The following HSF4 variants were observed in gnomAD, a reference collection of about 807,000 sequenced individuals.
HSF4 encodes heat shock transcription factor 4.
A neutral mutation model predicts 52.0 loss-of-function variants in HSF4; 41 were observed. That is an observed-to-expected ratio of 0.79 (90% CI 0.61 to 1.02). The LOEUF (loss-of-function observed/expected upper bound fraction) is 1.02. HSF4 is among the 50% of genes least tolerant of loss of function. The pLI, the probability that HSF4 is intolerant of heterozygous loss-of-function variation, is 0.00. For missense variants in HSF4, 610 were observed against 651.1 expected (o/e 0.94, Z 0.69); for synonymous variants, 285 against 273.0 (o/e 1.04, Z -0.43).
rs200708134 is a variant in HSF4 at position 67,167,173 on chromosome 16, C to A, written c.680C>A (p.Thr227Asn). 398 of 1,614,092 alleles carry A rather than the reference C, an allele frequency of 2.5e-4. 2 individuals carry two copies. The highest frequency in any genetic ancestry group is 3.3e-4 in the Middle Eastern group (2 of 6,084). Residue 227 changes from threonine to asparagine, a missense_variant, in exon 7 of 13, where the codon ACC becomes AAC. Thr to Asn is a moderately conservative substitution (Grantham distance 65). Coordinates refer to ENST00000521374, the MANE Select transcript of HSF4 (RefSeq NM_001374675.1). ...SSCPTPAKFN[T>N]CPLPGALLQD... ...TGCCCAACACCTGCCAAGTTCAACACCTGCCCTCTACCTGGTGCCCTTCTG... is the reference window on the plus strand; with the variant it reads ...TGCCCAACACCTGCCAAGTTCAACAACTGCCCTCTACCTGGTGCCCTTCTG...
rs35750776 is a variant in HSF4, at chr16:67,169,647, C to G, written c.1341C>G (p.Leu447=). 4.1e-4 allele frequency: 655 copies of G among 1,609,560 alleles called. 4 individuals carry two copies. The African/African-American group carries it at 8.0e-3, about 20-fold the overall frequency. The part of the protein sequence containing the change: ...NSPSPGKDPT[L]GAPLLLDVQA... ...TTCTCCTAGGGAAGGACCCCACGCTCGGGGCCCCACTCCTGCTGGATGTCC... is the reference window on the plus strand; with the variant it reads ...TTCTCCTAGGGAAGGACCCCACGCTGGGGGCCCCACTCCTGCTGGATGTCC... The change falls in exon 13 of 13, where the codon CTC becomes CTG. Residue 447 remains leucine, a synonymous_variant. Coordinates refer to ENST00000521374, the MANE Select transcript of HSF4 (RefSeq NM_001374675.1). This position sits in a 1 kb window ranked among gnomAD's most constrained non-coding sequence, Gnocchi z 4.3.
In HSF4 at chr16:67,167,358, G is replaced by A. The variant is rs113049652; in HGVS notation, c.730-117G>A. ...AACCAGACCCAGGCCCTCCAGCATGGACTGAGCCTCCTCCCTCAAACCTTC... is the reference window on the plus strand; with the variant it reads ...AACCAGACCCAGGCCCTCCAGCATGAACTGAGCCTCCTCCCTCAAACCTTC... On this transcript the variant is annotated intron_variant, in intron 7 of 12. Coordinates refer to ENST00000521374, the MANE Select transcript of HSF4 (RefSeq NM_001374675.1). 0.021 allele frequency: 33,321 copies of A among 1,610,390 alleles called. 410 individuals carry two copies. Among genetic ancestry groups the A allele is most frequent in the Non-Finnish European group, 0.025 (29,608 of 1,179,756 alleles).
intron 6 of HSF4, 53 bp from the exon 7 acceptor site, chr16:67,167,067 G>A (rs1257656950): frequency 6.2e-6 from 10 of 1,613,132 alleles, no homozygotes; most frequent in East Asian, 4.5e-5. Flanking sequence ...AGGCCGAGGT[G>A]CATGGGGGCT....
chr16:67,167,620 C>T (rs2031400724), intron 8 of HSF4, 21 bp downstream of exon 8: 6 of 1,612,650 alleles, frequency 3.7e-6, no homozygotes, highest in East Asian at 2.2e-5. Flanking sequence ...CAGGGCTGCC[C>T]CTGAGGGGCC....
rs2031396275 is a variant in HSF4, at chr16:67,167,556, T to C, written c.811T>C (p.Ser271Pro). Residue 271 changes from serine to proline, a missense_variant, in exon 8 of 13, where the codon TCC (serine) becomes CCC (proline). Ser to Pro is a moderately conservative substitution (Grantham distance 74). Coordinates refer to ENST00000521374, the MANE Select transcript of HSF4 (RefSeq NM_001374675.1). ...IISDIPEDSP[S>P]PEGTRLSPSS... ...CTCTGACATCCCAGAAGACTCTCCA[T>C]CCCCTGAGGGGACCAGGCTTTCTCC... The C allele has an allele frequency of 6.2e-7, 1 of 1,613,660 alleles. No individual in the cohort carries two copies. Among genetic ancestry groups the C allele is most frequent in the Non-Finnish European group, 8.5e-7 (1 of 1,179,960 alleles).
Position 67,166,069 on chromosome 16 carries a change from C to T in HSF4, c.484C>T (p.Gln162Ter). 1 of 1,487,636 alleles carries T rather than the reference C, an allele frequency of 6.7e-7. No homozygotes were observed. The allele number at this position is 1,487,636 out of a possible 1,614,324, so 92.2% of individuals were successfully genotyped here. A position where few individuals can be genotyped will look rare whatever the true frequency, so the allele number is the denominator to read the frequency against. The change falls in exon 4 of 13, where the codon CAG becomes TAG. Residue 162 changes from glutamine (Q) to a stop codon, truncating the protein, a stop_gained and splice_region_variant. Transcript: ENST00000521374. LOFTEE classifies it high-confidence loss of function. ...CGAGGCGCGGCTGCGGGAGCTCAGG[C>T]AGTGCGGGGGCGGGCGGGGAAAGAG... ...STEARLRELR[Q>*]QNEILWREVV...
intron 9 of HSF4, 32 bp downstream of exon 9, chr16:67,167,979 T>A (rs374186012): frequency 1.5e-4 from 223 of 1,519,342 alleles, no homozygotes; most frequent in Non-Finnish European, 2.0e-4. Context: ...CCATGAGCCC[T>A]GTGATAGAAC....
chr16:67,166,466 G>C (rs2031304793), intron 5 of HSF4, 71 bp downstream of exon 5: 1 of 1,595,472 alleles, frequency 6.3e-7, no homozygotes, highest in South Asian at 1.1e-5. Context: ...CAGTCCCCCG[G>C]CGCCCCTGTT....
chr16:67,166,517 C>T, intron 5 of HSF4, 41 bp from the exon 6 acceptor site: 2 of 1,609,358 alleles, frequency 1.2e-6, no homozygotes, highest in African/African-American at 1.3e-5. Context: ...GGTGGGGGGG[C>T]TGTGTCCAAA....
chr16:67,166,110 G>T (rs1053262720), intron 4 of HSF4, 40 bp downstream of exon 4: 5 of 1,489,914 alleles, frequency 3.4e-6, no homozygotes, highest in Non-Finnish European at 1.8e-6. Flanking sequence ...AGGGGTGGGG[G>T]GTTCGGGATG....
At chr16:67,164,633 GC>G (rs2031103680), upstream of HSF4, 1 of 449,924 alleles carries the variant, frequency 2.2e-6, no homozygotes, top group East Asian at 7.3e-5. Context: ...AGCCTTTTCT[GC>G]CTGCTGGTGC....
rs2031316328 is a variant in HSF4, at chr16:67,166,572, C to T, written c.576C>T (p.Leu192=). ...TTTCTCTTCAGCTGATCCAGTGTCT[C>T]TTTGGGCCACTTCAGGCGGGGCCGA... ...HRVIGKLIQC[L]FGPLQAGPSN... The change falls in exon 6 of 13, where the codon CTC becomes CTT. Residue 192 remains leucine, a synonymous_variant. Coordinates refer to ENST00000521374, the MANE Select transcript of HSF4 (RefSeq NM_001374675.1). 6.2e-7 allele frequency: 1 copy of T among 1,613,988 alleles called. No homozygotes were observed. Among genetic ancestry groups the T allele is most frequent in the Admixed American group, 1.7e-5 (1 of 60,018 alleles).
chr16:67,168,987 C>A (rs1417880119), intron 10 of HSF4, 49 bp from the exon 11 acceptor site: 7 of 1,612,472 alleles, frequency 4.3e-6, no homozygotes, highest in African/African-American at 2.7e-5. Context: ...TGGGGTCTAG[C>A]TCTCTGTGGA....
Position 67,165,291 on chromosome 16 carries a change from GAGTATGGAGTC to G in HSF4, c.124-228_124-218del. The stretch of plus-strand genomic sequence containing the variant: ...CGTCAGCCTCTCCTTTCTGAGAACT[GAGTATGGAGTC>G]AGGGTCTGGCTGGGGGTAGGGACTC... On this transcript the variant is annotated intron_variant, in intron 1 of 12. Transcript: ENST00000521374. The surrounding 1 kb of genome is among the most constrained non-coding windows in gnomAD (Gnocchi z 6.9). 1.7e-6 allele frequency: 1 copy of G among 602,640 alleles called. No homozygotes were observed. The highest frequency in any genetic ancestry group is 2.9e-6 in the Non-Finnish European group (1 of 339,094). The allele number at this position is 602,640 out of a possible 1,614,324, so 37.3% of individuals were successfully genotyped here. A position where few individuals can be genotyped will look rare whatever the true frequency, so the allele number is the denominator to read the frequency against.
In HSF4 at chr16:67,167,569, C is replaced by T; in HGVS notation, c.824C>T (p.Thr275Ile). Residue 275 changes from threonine to isoleucine, a missense_variant, in exon 8 of 13, where the codon ACC becomes ATC. By Grantham distance (89) the Thr-to-Ile change is moderately conservative. Transcript: ENST00000521374. ...GAAGACTCTCCATCCCCTGAGGGGA[C>T]CAGGCTTTCTCCCTCCAGTGATGGC... is the stretch of plus-strand genomic sequence containing the variant. The part of the protein sequence containing the change: ...IPEDSPSPEG[T>I]RLSPSSDGRR... 1.2e-6 allele frequency: 2 copies of T among 1,613,670 alleles called. No homozygotes were observed. The highest frequency in any genetic ancestry group is 1.7e-6 in the Non-Finnish European group (2 of 1,179,968).
chr16:67,164,410 C>A, upstream of HSF4: 1 of 453,390 alleles, frequency 2.2e-6, no homozygotes, highest in Non-Finnish European at 4.4e-6. Flanking sequence ...CTGCCTGGGG[C>A]TTCACTGTGC....
At position 67,168,865 on chromosome 16, in the gene HSF4, C is replaced by G. The variant is rs1447218117; in HGVS notation, c.1117C>G (p.Pro373Ala). ...PLGLESGDRS[P>A]ESLLPPMLLQ... is the part of the protein sequence containing the mutation. ...GGGCCTGGAAAGCGGGGACAGGAGC[C>G]CAGAGAGTCTGCTGCCTCCGATGCT... The change falls in exon 10 of 13, where the codon CCA becomes GCA. Residue 373 changes from proline to alanine, a missense_variant. Transcript: ENST00000521374. The G allele has an allele frequency of 3.1e-6, 5 of 1,613,846 alleles. No individual in the cohort carries two copies. Among genetic ancestry groups the G allele is most frequent in the Non-Finnish European group, 3.4e-6 (4 of 1,180,046 alleles).
intron 6 of HSF4, 113 bp downstream of exon 6, chr16:67,166,735 C>T: frequency 1.0e-6 from 1 of 989,852 alleles, no homozygotes. Context: ...TCATTCCTCC[C>T]CCTGCGCTAC....
chr16:67,164,639 T>C, upstream of HSF4: 1 of 461,582 alleles, frequency 2.2e-6, no homozygotes, highest in Non-Finnish European at 3.7e-6. Flanking sequence ...TTCTGCCTGC[T>C]GGTGCCTCGG....
Sources: gnomAD v4.1 joint callset for allele counts on GRCh38, gnomAD v4.1.1 for gene constraint, Gnocchi (gnomAD v3.1) non-coding constraint, MANE v1.5 for transcripts, NCBI Gene and HGNC (gene_info 2026-07-23, HGNC 2026-07-21) for gene names.